The following CYRIB variants were observed in gnomAD, a reference collection of about 807,000 sequenced individuals.
The protein encoded by CYRIB is CYFIP-related Rac1 interactor B.
CYRIB carries 8 observed loss-of-function variants against 44.2 expected under a neutral mutation model. The ratio of observed to expected loss-of-function variants is 0.18; its 90% CI spans 0.11 to 0.33. The LOEUF (loss-of-function observed/expected upper bound fraction) is 0.33, where lower values mean the gene tolerates loss of function less well. CYRIB is among the 10% of genes least tolerant of loss of function. The pLI, the probability that CYRIB is intolerant of heterozygous loss-of-function variation, is 1.00. For synonymous variants in CYRIB, 131 were observed against 127.2 expected (o/e 1.03, Z -0.20); for missense variants, 185 against 382.8 (o/e 0.48, Z 4.31).
intron 11 of CYRIB, among the ~76,000 whole-genome samples, chr8:129,843,682 G>A (rs1004942817): frequency 6.6e-6 from 1 of 152,226 alleles, no homozygotes; most frequent in East Asian, 1.9e-4. Flanking sequence ...GATGACAGGT[G>A]TGTGTCACCA....
intron 1 of CYRIB, among the ~76,000 whole-genome samples, chr8:129,974,004 G>T (rs1209840199): frequency 1.3e-5 from 2 of 152,016 alleles, no homozygotes; most frequent in Non-Finnish European, 2.9e-5. Context: ...CCCACACCCG[G>T]TACTATGCCT....
intron 1 of CYRIB, among the ~76,000 whole-genome samples, chr8:129,931,818 G>T (rs1307414283): frequency 6.6e-6 from 1 of 151,884 alleles, no homozygotes; most frequent in Non-Finnish European, 1.5e-5. Flanking sequence ...GTAGAGACGA[G>T]GTTTCACCAT....
At chr8:129,992,411 A>C (rs2096660704) in intron 1 of CYRIB, among the ~76,000 whole-genome samples, 1 of 152,252 alleles carries the variant, frequency 6.6e-6, no homozygotes, top group East Asian at 1.9e-4. Context: ...TCAGAGCAAG[A>C]AATGACCCTA....
intron 1 of CYRIB, among the ~76,000 whole-genome samples, chr8:129,910,002 C>G (rs1036326246): frequency 6.6e-6 from 1 of 152,240 alleles, no homozygotes; most frequent in East Asian, 1.9e-4. Flanking sequence ...GACATCACCT[C>G]AGGGGATGCC....
At chr8:129,911,725 G>A (rs2078144023) in intron 1 of CYRIB, among the ~76,000 whole-genome samples, 1 of 152,036 alleles carries the variant, frequency 6.6e-6, no homozygotes. Context: ...CAATAATGCT[G>A]TTTTCAATTA....
At chr8:129,874,255 T>C (rs1270941084) in intron 3 of CYRIB, among the ~76,000 whole-genome samples, 2 of 152,038 alleles carry the variant, frequency 1.3e-5, no homozygotes, top group Non-Finnish European at 2.9e-5. Flanking sequence ...CTCATCAAGC[T>C]TAGTTTTTAA....
intron 10 of CYRIB, among the ~76,000 whole-genome samples, chr8:129,848,930 G>A (rs2041868733): frequency 2.0e-5 from 3 of 152,098 alleles, no homozygotes; most frequent in South Asian, 4.2e-4. Context: ...ATGGCCTTTG[G>A]CCAAAGGAAT....
chr8:129,985,181 T>C (rs1336404660), intron 1 of CYRIB, among the ~76,000 whole-genome samples: 1 of 152,204 alleles, frequency 6.6e-6, no homozygotes, highest in Non-Finnish European at 1.5e-5. Context: ...TTTCCTCTTC[T>C]GTAAAGTGGG....
At chr8:130,015,351 GC>G (rs1564869320) in intron 1 of CYRIB, among the ~76,000 whole-genome samples, 1 of 152,118 alleles carries the variant, frequency 6.6e-6, no homozygotes. Context: ...CTATCACTGC[GC>G]CCCCTGCAGG....
At chr8:129,882,586 C>A (rs2061182104) in intron 2 of CYRIB, among the ~76,000 whole-genome samples, 1 of 152,162 alleles carries the variant, frequency 6.6e-6, no homozygotes, top group African/African-American at 2.4e-5. Flanking sequence ...AAAATTAGTT[C>A]TATTAACATC....
At chr8:129,912,769 A>C (rs546343464) in intron 1 of CYRIB, among the ~76,000 whole-genome samples, 1 of 151,990 alleles carries the variant, frequency 6.6e-6, no homozygotes, top group South Asian at 2.1e-4. Context: ...AATCAACAGG[A>C]TGAACTAATG....
chr8:129,939,904 C>T, upstream of CYRIB: 1 of 152,408 alleles, frequency 6.6e-6, no homozygotes, highest in Non-Finnish European at 1.5e-5. Context: ...ATGCGCCGCA[C>T]GCCCGCCCCG....
intron 4 of CYRIB, 135 bp downstream of exon 6, chr8:129,871,240 A>G (rs527384176): frequency 3.8e-6 from 4 of 1,040,326 alleles, no homozygotes; most frequent in Non-Finnish European, 5.4e-6. Context: ...CACTTCTGAA[A>G]CAATGCCAAG....
intron 1 of CYRIB, among the ~76,000 whole-genome samples, chr8:129,981,735 A>G (rs1243150569): frequency 6.6e-6 from 1 of 152,228 alleles, no homozygotes; most frequent in African/African-American, 2.4e-5. Context: ...GTGGGATCAC[A>G]GCAGAGCAGG....
At chr8:129,938,764 A>G (rs2093258661) in intron 1 of CYRIB, among the ~76,000 whole-genome samples, 1 of 152,174 alleles carries the variant, frequency 6.6e-6, no homozygotes, top group South Asian at 2.1e-4. Flanking sequence ...TTTTCTGCCA[A>G]ATTTTACACT....
intron 1 of CYRIB, among the ~76,000 whole-genome samples, chr8:129,910,057 T>C (rs1170359376): frequency 6.6e-6 from 1 of 152,212 alleles, no homozygotes; most frequent in Non-Finnish European, 1.5e-5. Flanking sequence ...TGTAACCACC[T>C]GCATGGACAG....
intron 4 of CYRIB, among the ~76,000 whole-genome samples, chr8:129,869,914 C>G (rs568646865): frequency 6.6e-6 from 1 of 151,558 alleles, no homozygotes; most frequent in Non-Finnish European, 1.5e-5. Context: ...AGGAATGGTT[C>G]CCACAAAAGA....
chr8:129,860,604 T>C (rs1372285010), intron 5 of CYRIB, among the ~76,000 whole-genome samples: 3 of 152,136 alleles, frequency 2.0e-5, no homozygotes, highest in Admixed American at 1.3e-4. Flanking sequence ...CTGTACTGCA[T>C]CTAAAGGAAA....
intron 1 of CYRIB, among the ~76,000 whole-genome samples, chr8:129,981,125 A>G (rs986406203): frequency 1.3e-5 from 2 of 152,198 alleles, no homozygotes; most frequent in African/African-American, 2.4e-5. Context: ...ACTGAGAGAC[A>G]GAGTTAGCCC....
Sources: allele counts gnomAD v4.1 joint callset (sites outside exome capture counted in the v4.1 genomes callset), GRCh38; gene constraint gnomAD v4.1.1; transcripts MANE v1.5; gene names NCBI Gene and HGNC (gene_info 2026-07-23, HGNC 2026-07-21).